Variants in TMEM156 observed in about 807,000 individuals in gnomAD.
TMEM156 encodes the protein transmembrane protein 156.
Under a neutral mutation model 30.5 loss-of-function variants are expected in TMEM156, and 28 were observed. The observed-to-expected ratio is 0.92, with a 90% CI of 0.68 to 1.26. The LOEUF (loss-of-function observed/expected upper bound fraction) is 1.26, where lower values mean the gene tolerates loss of function less well. Among genes scored for constraint, TMEM156 ranks in the 50% most tolerant of loss-of-function variants. The probability of loss-of-function intolerance (pLI) is 0.00; values close to 1 mark genes in which losing one functional copy is unlikely to be tolerated. For synonymous variants in TMEM156, 137 were observed against 119.9 expected, an observed-to-expected ratio of 1.14 and a Z score of -0.93; for missense variants, 351 against 340.6, an observed-to-expected ratio of 1.03 and a Z score of -0.24.
chr4:38,997,878 G>A (rs575814899), intron 2 of TMEM156, among the ~76,000 whole-genome samples: 1 of 152,264 alleles, frequency 6.6e-6, no homozygotes, highest in Non-Finnish European at 1.5e-5. Flanking sequence ...CAAAGGCCCT[G>A]CCCTCAAGAA....
At chr4:38,983,283 T>C (rs895843285) in intron 5 of TMEM156, among the ~76,000 whole-genome samples, 3 of 152,212 alleles carry the variant, frequency 2.0e-5, no homozygotes, top group Non-Finnish European at 2.9e-5. Flanking sequence ...GTCAGTCAAG[T>C]GGGCTTCTAT....
At chr4:38,997,350 A>C (rs977373115) in intron 2 of TMEM156, among the ~76,000 whole-genome samples, 2 of 152,220 alleles carry the variant, frequency 1.3e-5, no homozygotes, top group African/African-American at 4.8e-5. Context: ...TGATGGGCGC[A>C]CTAGAAGCCC....
At chr4:38,980,906 A>C (rs1723145428) in intron 5 of TMEM156, 8 of 981,826 alleles carry the variant, frequency 8.1e-6, no homozygotes, top group Non-Finnish European at 9.7e-6. Context: ...GGCCTGACAT[A>C]TATGCCTGTC....
intron 5 of TMEM156, among the ~76,000 whole-genome samples, chr4:38,975,539 T>C (rs1275017218): frequency 6.6e-6 from 1 of 152,002 alleles, no homozygotes; most frequent in Non-Finnish European, 1.5e-5. Flanking sequence ...TGTGCCACCA[T>C]GCCCAGCTAA....
At chr4:39,018,364 T>G (rs1224783501) in intron 1 of TMEM156, among the ~76,000 whole-genome samples, 1 of 152,220 alleles carries the variant, frequency 6.6e-6, no homozygotes, top group Non-Finnish European at 1.5e-5. Flanking sequence ...GTTTTTAAAT[T>G]TTATGCATCT....
chr4:38,997,204 T>C (rs1028181298), intron 2 of TMEM156, among the ~76,000 whole-genome samples: 2 of 152,208 alleles, frequency 1.3e-5, no homozygotes, highest in African/African-American at 4.8e-5. Context: ...CACAATTTGC[T>C]TTCTGTTGCA....
chr4:39,026,535 A>AT (rs1005846964), intron 1 of TMEM156, among the ~76,000 whole-genome samples: 1 of 152,098 alleles, frequency 6.6e-6, no homozygotes, highest in African/African-American at 2.4e-5. Flanking sequence ...TATTTAACAC[A>AT]TTTTTTTGCC....
intron 5 of TMEM156, among the ~76,000 whole-genome samples, chr4:38,971,792 A>G (rs1722605911): frequency 6.6e-6 from 1 of 151,800 alleles, no homozygotes; most frequent in Non-Finnish European, 1.5e-5. Context: ...GAGGTGACCT[A>G]TAATTTTTTT....
intron 5 of TMEM156, among the ~76,000 whole-genome samples, chr4:38,972,287 T>A (rs891897048): frequency 7.9e-6 from 1 of 126,992 alleles, no homozygotes; most frequent in African/African-American, 3.0e-5. Flanking sequence ...AGAGTCTCAC[T>A]CTGTCGCCCA....
intron 1 of TMEM156, among the ~76,000 whole-genome samples, chr4:39,017,171 CTT>C (rs1159565890): frequency 5.8e-4 from 53 of 91,278 alleles, no homozygotes; most frequent in Admixed American, 1.7e-3. Context: ...TGTATTTCTT[CTT>C]TTTTTTTTTT....
chr4:39,015,785 T>C (rs996003816), intron 1 of TMEM156, among the ~76,000 whole-genome samples: 1 of 152,122 alleles, frequency 6.6e-6, no homozygotes, highest in Non-Finnish European at 1.5e-5. Flanking sequence ...GATAATTGAA[T>C]CACGGGGGCT....
At chr4:38,984,607 GC>G (rs1711836847) in intron 5 of TMEM156, among the ~76,000 whole-genome samples, 1 of 151,968 alleles carries the variant, frequency 6.6e-6, no homozygotes, top group Non-Finnish European at 1.5e-5. Flanking sequence ...ACAAAGAGAG[GC>G]CTTAAAAACT....
At chr4:38,990,830 G>GTTTTTTTTTTTTTTTGTTTT (rs1712375802) in intron 3 of TMEM156, among the ~76,000 whole-genome samples, 2 of 81,216 alleles carry the variant, frequency 2.5e-5, no homozygotes, top group Non-Finnish European at 4.8e-5. Flanking sequence ...TTGTTTTCTG[G>GTTTTTTTTTTTTTTTGTTTT]TTTTTTTTTT....
intron 1 of TMEM156, among the ~76,000 whole-genome samples, chr4:39,009,536 C>A (rs1223283529): frequency 1.3e-5 from 2 of 151,974 alleles, no homozygotes; most frequent in Non-Finnish European, 2.9e-5. Context: ...GCATATCAAG[C>A]AATTAATTCA....
At chr4:38,984,686 A>G (rs549802303) in intron 5 of TMEM156, among the ~76,000 whole-genome samples, 1 of 152,194 alleles carries the variant, frequency 6.6e-6, no homozygotes, top group Non-Finnish European at 1.5e-5. Context: ...TAGGGAAGGA[A>G]AAGATTGCAT....
At chr4:39,009,455 T>C (rs1307216643) in intron 1 of TMEM156, among the ~76,000 whole-genome samples, 1 of 152,040 alleles carries the variant, frequency 6.6e-6, no homozygotes, top group African/African-American at 2.4e-5. Flanking sequence ...AAAAGGAAAC[T>C]ATAGGCTAAT....
intron 5 of TMEM156, among the ~76,000 whole-genome samples, chr4:38,971,457 T>A (rs1045005134): frequency 6.6e-6 from 1 of 152,226 alleles, no homozygotes. Context: ...TTTTATTCTA[T>A]CACATTTTGT....
chr4:38,972,012 C>T (rs1361551193), intron 5 of TMEM156, among the ~76,000 whole-genome samples: 1 of 151,984 alleles, frequency 6.6e-6, no homozygotes, highest in Non-Finnish European at 1.5e-5. Context: ...TGGTCTGGAA[C>T]TCCCAACCTC....
At chr4:38,995,608 C>T (rs558836607) in intron 2 of TMEM156, among the ~76,000 whole-genome samples, 30 of 152,244 alleles carry the variant, frequency 2.0e-4, no homozygotes, top group Admixed American at 9.2e-4. Context: ...CCAGCTACTC[C>T]GGAGGCTGAA....
Sources: gnomAD v4.1 joint callset for allele counts (sites outside exome capture counted in the v4.1 genomes callset) on GRCh38, gnomAD v4.1.1 for gene constraint, MANE v1.5 for transcripts, NCBI Gene and HGNC (gene_info 2026-07-23, HGNC 2026-07-21) for gene names.